Variants in TAFA1 observed in about 807,000 individuals in gnomAD.
TAFA1 encodes chemokine-like protein TAFA-1.
In TAFA1, 4 loss-of-function variants were observed where a neutral mutation model predicts 18.5. The observed-to-expected ratio is 0.22, with a 90% confidence interval of 0.11 to 0.49. The LOEUF is 0.49. TAFA1 is among the 20% of genes least tolerant of loss of function. The pLI, the probability that TAFA1 is intolerant of heterozygous loss-of-function variation, is 0.98. For missense variants in TAFA1, 147 were observed against 169.0 expected (o/e 0.87, Z 0.72); for synonymous variants, 56 against 55.2 (o/e 1.01, Z -0.06).
intron 3 of TAFA1, among the ~76,000 whole-genome samples, chr3:68,497,260 G>A (rs1181155013): frequency 6.6e-6 from 1 of 152,084 alleles, no homozygotes; most frequent in Non-Finnish European, 1.5e-5. Context: ...TTTAACATAT[G>A]TCCACTCATT....
chr3:68,018,129 G>T (rs186235543), intron 2 of TAFA1, among the ~76,000 whole-genome samples: 41 of 152,262 alleles, frequency 2.7e-4, no homozygotes, highest in Admixed American at 2.0e-3. Flanking sequence ...GGGAAAACAA[G>T]ATTTTATTTC....
At chr3:68,195,133 C>T (rs893182113) in intron 2 of TAFA1, among the ~76,000 whole-genome samples, 13 of 151,294 alleles carry the variant, frequency 8.6e-5, no homozygotes, top group Non-Finnish European at 5.9e-5. Flanking sequence ...TAGCCCAGAG[C>T]ATTTGGAAAT....
chr3:68,436,987 C>G (rs531801344), intron 3 of TAFA1, among the ~76,000 whole-genome samples: 24 of 152,012 alleles, frequency 1.6e-4, no homozygotes, highest in African/African-American at 5.3e-4. Context: ...TATAAAAGAG[C>G]AAATGTAACT....
intron 2 of TAFA1, among the ~76,000 whole-genome samples, chr3:68,172,232 G>C (rs750379617): frequency 1.3e-5 from 2 of 152,076 alleles, no homozygotes; most frequent in African/African-American, 4.8e-5. Context: ...ACATGCAAAG[G>C]CTCCCCAATA....
intron 2 of TAFA1, among the ~76,000 whole-genome samples, chr3:68,039,590 T>G (rs764522378): frequency 3.3e-5 from 5 of 152,194 alleles, no homozygotes; most frequent in Admixed American, 6.5e-5. Flanking sequence ...ATCTTATAGA[T>G]CTCCTATGAT....
At chr3:68,029,971 T>C (rs951120544) in intron 2 of TAFA1, among the ~76,000 whole-genome samples, 1 of 152,150 alleles carries the variant, frequency 6.6e-6, no homozygotes, top group African/African-American at 2.4e-5. Context: ...GCCTGCTTAG[T>C]CTGTAGAGAT....
intron 2 of TAFA1, among the ~76,000 whole-genome samples, chr3:68,034,313 T>C (rs111811217): frequency 2.6e-5 from 4 of 152,196 alleles, no homozygotes. Context: ...GAGACACTTA[T>C]TCTGTGCCAG....
intron 2 of TAFA1, among the ~76,000 whole-genome samples, chr3:68,095,041 C>T (rs1426385470): frequency 6.6e-6 from 1 of 152,120 alleles, no homozygotes; most frequent in Admixed American, 6.6e-5. Flanking sequence ...GGCCTGTGAC[C>T]CTCTCAGAGG....
chr3:68,300,143 T>A lies in TAFA1; in HGVS notation c.119-117137T>A, dbSNP rs143453575. 4.9e-4 allele frequency among the ~76,000 whole-genome samples: 74 copies of A among 152,134 alleles called. 1 individual carries two copies. In the East Asian group the frequency reaches 0.011, roughly 24 times the overall value. On this transcript the variant is annotated intron_variant, in intron 2 of 4. Transcript: ENST00000478136. Reference sequence around the variant, plus strand: ...AGCTTACACCATGCACCTGGGAAAGTCATAGGTACTCAATGCCAGTCCATG... The same window carrying A: ...AGCTTACACCATGCACCTGGGAAAGACATAGGTACTCAATGCCAGTCCATG...
intron 2 of TAFA1, among the ~76,000 whole-genome samples, chr3:68,337,776 C>T (rs774633960): frequency 1.3e-5 from 2 of 152,160 alleles, no homozygotes; most frequent in Non-Finnish European, 2.9e-5. Context: ...GGATGGGGCA[C>T]ATTGTGGCTT....
chr3:68,432,905 C>T (rs142772604), intron 3 of TAFA1, among the ~76,000 whole-genome samples: 296 of 152,118 alleles, frequency 1.9e-3, no homozygotes, highest in African/African-American at 6.8e-3. Flanking sequence ...AGCCCTCACA[C>T]GAGAGCTGCC....
intron 3 of TAFA1, among the ~76,000 whole-genome samples, chr3:68,438,200 A>T (rs911413072): frequency 6.6e-6 from 1 of 152,102 alleles, no homozygotes; most frequent in African/African-American, 2.4e-5. Context: ...TCTACTAAAA[A>T]TACAAAAATT....
chr3:68,047,029 T>C (rs1407009128), intron 2 of TAFA1, among the ~76,000 whole-genome samples: 1 of 152,210 alleles, frequency 6.6e-6, no homozygotes, highest in Non-Finnish European at 1.5e-5. Flanking sequence ...TCATTCATTA[T>C]CTTAGTGTGA....
intron 2 of TAFA1, among the ~76,000 whole-genome samples, chr3:68,307,188 C>T (rs1377377608): frequency 6.6e-6 from 1 of 152,176 alleles, no homozygotes; most frequent in Non-Finnish European, 1.5e-5. Flanking sequence ...TCTCATTACA[C>T]ATTTTCTAAG....
intron 2 of TAFA1, among the ~76,000 whole-genome samples, chr3:68,054,051 C>G (rs563805540): frequency 6.6e-6 from 1 of 152,252 alleles, no homozygotes; most frequent in Admixed American, 6.5e-5. Flanking sequence ...AGAGAAATCA[C>G]AAGTTTTCTG....
chr3:68,181,744 G>GCCC (rs1357226388), intron 2 of TAFA1, among the ~76,000 whole-genome samples: 5 of 152,326 alleles, frequency 3.3e-5, no homozygotes, highest in African/African-American at 1.2e-4. Flanking sequence ...AAATGGCTTA[G>GCCC]ACATCTGTTG....
intron 3 of TAFA1, among the ~76,000 whole-genome samples, chr3:68,423,663 G>A (rs1003911980): frequency 1.3e-5 from 2 of 151,912 alleles, no homozygotes; most frequent in Non-Finnish European, 2.9e-5. Flanking sequence ...TATTTTTATA[G>A]AATGATTGAA....
intron 2 of TAFA1, among the ~76,000 whole-genome samples, chr3:68,171,559 A>G (rs1264500993): frequency 6.6e-6 from 1 of 152,192 alleles, no homozygotes; most frequent in Admixed American, 6.5e-5. Flanking sequence ...CCAAAAAAGA[A>G]ACGTATGGCC....
intron 2 of TAFA1, among the ~76,000 whole-genome samples, chr3:68,285,255 A>G (rs1331519061): frequency 6.6e-6 from 1 of 152,204 alleles, no homozygotes; most frequent in Admixed American, 6.5e-5. Context: ...TCAGAATAGT[A>G]TTTACTCTGA....
Sources: gnomAD v4.1 joint callset for allele counts (sites outside exome capture counted in the v4.1 genomes callset) on GRCh38, gnomAD v4.1.1 for gene constraint, MANE v1.5 for transcripts, NCBI Gene and HGNC (gene_info 2026-07-23, HGNC 2026-07-21) for gene names.